The following C7 variants were observed in gnomAD, a reference collection of about 807,000 sequenced individuals.
C7 encodes the protein complement component C7.
In C7, 83 loss-of-function variants were observed where a neutral mutation model predicts 104.8. The observed-to-expected ratio is 0.79, with a 90% confidence interval of 0.66 to 0.95. The LOEUF (loss-of-function observed/expected upper bound fraction) is 0.95, where lower values mean the gene tolerates loss of function less well. Among genes scored for constraint, C7 ranks in the 40% least tolerant of loss-of-function variants. The pLI is 0.00. For synonymous variants in C7, 415 were observed against 360.6 expected (o/e 1.15, Z -1.71); for missense variants, 1,070 against 1,011.2 (o/e 1.06, Z -0.79).
intron 2 of C7, among the ~76,000 whole-genome samples, chr5:40,929,193 G>A (rs1296047657): frequency 6.6e-6 from 1 of 152,154 alleles, no homozygotes; most frequent in Non-Finnish European, 1.5e-5. Context: ...CAAGGAGCAA[G>A]AAGGCACTGG....
In C7 at chr5:40,956,317, G is replaced by C. The variant is rs114626260; in HGVS notation, c.1260+764G>C. Among the ~76,000 whole-genome samples, 1,375 of 152,292 alleles carry C rather than the reference G, an allele frequency of 9.0e-3. 18 individuals carry two copies. Among genetic ancestry groups the C allele is most frequent in the African/African-American group, 0.032 (1,322 of 41,564 alleles). On this transcript the variant is annotated intron_variant, in intron 10 of 17. Transcript: ENST00000313164. ...TGTGAGTTACTGTGAAGTGCTAGAA[G>C]GACGCCAGTCAGAAACCCGACAGAC...
intron 13 of C7, among the ~76,000 whole-genome samples, chr5:40,962,846 A>G (rs1170652526): frequency 6.6e-6 from 1 of 152,170 alleles, no homozygotes. Flanking sequence ...TGTTACCAGC[A>G]CTGCTTTCCT....
At chr5:40,920,941 C>T (rs1739425346) in intron 1 of C7, among the ~76,000 whole-genome samples, 2 of 151,666 alleles carry the variant, frequency 1.3e-5, no homozygotes, top group African/African-American at 4.9e-5. Flanking sequence ...CTCAGCTACT[C>T]AGGAGGCTGA....
At chr5:40,961,650 T>C (rs1394076921) in intron 12 of C7, among the ~76,000 whole-genome samples, 1 of 152,166 alleles carries the variant, frequency 6.6e-6, no homozygotes, top group Non-Finnish European at 1.5e-5. Context: ...CCTCCCAAAG[T>C]GCTGGGATTA....
intron 9 of C7, among the ~76,000 whole-genome samples, chr5:40,951,730 A>G (rs1446215815): frequency 1.3e-5 from 2 of 152,166 alleles, no homozygotes; most frequent in East Asian, 3.9e-4. Context: ...ATCAGAGTTT[A>G]AATCCTCTTG....
intron 11 of C7, among the ~76,000 whole-genome samples, chr5:40,958,980 G>A (rs912131507): frequency 1.3e-5 from 2 of 152,024 alleles, no homozygotes; most frequent in African/African-American, 2.4e-5. Flanking sequence ...CATTACAAAG[G>A]CATCCTTATC....
At chr5:40,959,698 C>G in intron 12 of C7, 78 bp downstream of exon 12, 2 of 1,128,432 alleles carry the variant, frequency 1.8e-6, no homozygotes, top group Non-Finnish European at 2.4e-6. Flanking sequence ...ATGATTGCTG[C>G]TGTCGAGAGA....
At chr5:40,942,481 G>A (rs549082487) in intron 6 of C7, among the ~76,000 whole-genome samples, 1 of 152,278 alleles carries the variant, frequency 6.6e-6, no homozygotes, top group Admixed American at 6.5e-5. Context: ...TTGTAGATTT[G>A]TTAGCCAGCA....
intron 14 of C7, among the ~76,000 whole-genome samples, chr5:40,970,829 A>C (rs978676661): frequency 6.6e-6 from 1 of 151,276 alleles, no homozygotes; most frequent in South Asian, 2.1e-4. Flanking sequence ...TCATTGTTCA[A>C]CTCCCACTTA....
At chr5:40,946,484 C>T (rs1740052719) in intron 7 of C7, among the ~76,000 whole-genome samples, 3 of 152,106 alleles carry the variant, frequency 2.0e-5, no homozygotes, top group Admixed American at 2.0e-4. Flanking sequence ...TTTATTGTCT[C>T]CACATTATAT....
In C7 at chr5:40,935,661, ACT is replaced by A. The variant is rs529953450; in HGVS notation, c.281-676_281-675del. On this transcript the variant is annotated intron_variant, in intron 4 of 17. Transcript: ENST00000313164. ...TTATTCATGCAGGTAGTCTGGTATG[ACT>A]AGGGTATAAGAAGCTAGTAGGAGAA... Among the ~76,000 whole-genome samples the A allele has an allele frequency of 2.5e-3, 380 of 152,318 alleles. 1 individual carries two copies. The highest frequency in any genetic ancestry group is 8.7e-3 in the African/African-American group (362 of 41,574).
At chr5:40,975,595 C>T (rs1740801517) in intron 15 of C7, among the ~76,000 whole-genome samples, 1 of 152,086 alleles carries the variant, frequency 6.6e-6, no homozygotes, top group South Asian at 2.1e-4. Flanking sequence ...AACTCCTGAC[C>T]TCAAGTGATC....
chr5:40,931,992 T>C (rs1397315086), intron 3 of C7, among the ~76,000 whole-genome samples: 1 of 152,172 alleles, frequency 6.6e-6, no homozygotes, highest in Non-Finnish European at 1.5e-5. Flanking sequence ...TCTCTTGATC[T>C]CGTGATCCAC....
At chr5:40,942,468 A>C (rs1739960416) in intron 6 of C7, among the ~76,000 whole-genome samples, 1 of 152,164 alleles carries the variant, frequency 6.6e-6, no homozygotes, top group Non-Finnish European at 1.5e-5. Flanking sequence ...AAAGTTAATA[A>C]GTTTGTAGAT....
At chr5:40,977,193 A>C (rs1740839085) in intron 16 of C7, among the ~76,000 whole-genome samples, 1 of 152,204 alleles carries the variant, frequency 6.6e-6, no homozygotes, top group African/African-American at 2.4e-5. Flanking sequence ...TAAACTCTTA[A>C]AGCAATACTG....
chr5:40,970,458 GTCAGGGA>G (rs1561258482), intron 14 of C7, among the ~76,000 whole-genome samples: 1 of 152,132 alleles, frequency 6.6e-6, no homozygotes, highest in East Asian at 1.9e-4. Context: ...CAGATGAAAA[GTCAGGGA>G]ACACTGAACA....
At chr5:40,981,040 A>G in intron 17 of C7, among the ~76,000 whole-genome samples, 1 of 151,694 alleles carries the variant, frequency 6.6e-6, no homozygotes, top group East Asian at 1.9e-4. Context: ...TCTTTGTTTG[A>G]GTCTTGACTT....
chr5:40,968,791 T>C lies in C7; in HGVS notation c.1883-3612T>C, dbSNP rs529774139. 3.3e-5 allele frequency among the ~76,000 whole-genome samples: 5 copies of C among 151,074 alleles called. No homozygotes were observed. The East Asian group carries it at 9.7e-4, about 29-fold the overall frequency. The stretch of plus-strand genomic sequence containing the variant: ...AGTGCCCAGCTAATTTTGTACTTTT[T>C]AGTAGAGACGGGGTTTCACCATGTT... On this transcript the variant is annotated intron_variant, in intron 14 of 17. Transcript: ENST00000313164.
At chr5:40,927,434 G>A (rs1739577883) in intron 1 of C7, among the ~76,000 whole-genome samples, 1 of 151,980 alleles carries the variant, frequency 6.6e-6, no homozygotes, top group South Asian at 2.1e-4. Flanking sequence ...TGGCAAAGGA[G>A]ACAATGATCA....
Sources: gnomAD v4.1 joint callset for allele counts (sites outside exome capture counted in the v4.1 genomes callset) on GRCh38, gnomAD v4.1.1 for gene constraint, MANE v1.5 for transcripts, NCBI Gene and HGNC (gene_info 2026-07-23, HGNC 2026-07-21) for gene names.